Variants in COL5A2 observed in about 807,000 individuals in gnomAD.
COL5A2 encodes collagen alpha-2(V) chain.
In COL5A2, 23 loss-of-function variants were observed where a neutral mutation model predicts 208.2. The ratio of observed to expected loss-of-function variants is 0.11; its 90% CI spans 0.08 to 0.16. The LOEUF is 0.16. Among genes scored for constraint, COL5A2 ranks in the 10% least tolerant of loss-of-function variants. The pLI is 1.00. For missense variants in COL5A2, 1,590 were observed against 1,956.4 expected (o/e 0.81, Z 3.53); for synonymous variants, 625 against 628.5 (o/e 0.99, Z 0.08).
chr2:189,270,206 T>G, the COL5A2 span, among the ~76,000 whole-genome samples: 1 of 152,200 alleles, frequency 6.6e-6, no homozygotes, highest in African/African-American at 2.4e-5. Context: ...ATTGATTTTT[T>G]TGAAGCGTTT....
intron 1 of COL5A2, among the ~76,000 whole-genome samples, chr2:189,123,855 G>C (rs1687557182): frequency 6.6e-6 from 1 of 152,102 alleles, no homozygotes; most frequent in Non-Finnish European, 1.5e-5. Context: ...CAAAGCTAGT[G>C]AGTGGCAGAG....
chr2:189,354,757 G>T, the COL5A2 span, among the ~76,000 whole-genome samples: 1 of 152,016 alleles, frequency 6.6e-6, no homozygotes, highest in Non-Finnish European at 1.5e-5. Context: ...TTTTTTGAAG[G>T]ATTTTTTGTG....
chr2:189,231,301 A>T, the COL5A2 span, among the ~76,000 whole-genome samples: 2 of 151,812 alleles, frequency 1.3e-5, no homozygotes, highest in Non-Finnish European at 2.9e-5. Context: ...TTAAGAGGGC[A>T]GATCTCAAGT....
chr2:189,126,453 A>G (rs553041078), intron 1 of COL5A2, among the ~76,000 whole-genome samples: 1 of 152,170 alleles, frequency 6.6e-6, no homozygotes, highest in Admixed American at 6.5e-5. Flanking sequence ...TTCTTTTCAT[A>G]GTGCTAAACA....
the COL5A2 span, among the ~76,000 whole-genome samples, chr2:189,427,505 G>A: frequency 6.6e-6 from 1 of 152,160 alleles, no homozygotes; most frequent in Non-Finnish European, 1.5e-5. Context: ...ACTGCCTAGT[G>A]GAGCTATGAG....
intron 1 of COL5A2, among the ~76,000 whole-genome samples, chr2:189,218,716 A>G (rs987506189): frequency 1.3e-5 from 2 of 152,168 alleles, no homozygotes; most frequent in Non-Finnish European, 2.9e-5. Flanking sequence ...TGTGTGGAAA[A>G]TTCTTCCAGT....
At chr2:189,255,947 A>C in the COL5A2 span, among the ~76,000 whole-genome samples, 9 of 152,194 alleles carry the variant, frequency 5.9e-5, no homozygotes, top group Admixed American at 5.9e-4. Flanking sequence ...ATCATAGCTT[A>C]AAAGTACAAA....
chr2:189,083,690 T>A (rs1196661723), intron 12 of COL5A2, among the ~76,000 whole-genome samples: 2 of 152,014 alleles, frequency 1.3e-5, no homozygotes, highest in African/African-American at 4.8e-5. Context: ...AAAAAAACTA[T>A]TTTTTTCTGA....
intron 1 of COL5A2, among the ~76,000 whole-genome samples, chr2:189,173,433 AACCTTAAGGTTGCCAATATGGTCAC>A (rs1472598526): frequency 1.3e-5 from 2 of 152,242 alleles, no homozygotes; most frequent in African/African-American, 4.8e-5. Flanking sequence ...ATGAAATAAA[AACCTTAAGGTTGCCAATATGGTCAC>A]ACCTTTAAAG....
intron 24 of COL5A2, 103 bp from the exon 25 acceptor site, chr2:189,064,758 T>C: frequency 1.1e-6 from 1 of 929,420 alleles, no homozygotes; most frequent in Admixed American, 1.9e-5. Flanking sequence ...TAATATAACA[T>C]ACAAATCAAG....
At chr2:189,413,948 C>G in the COL5A2 span, among the ~76,000 whole-genome samples, 1 of 151,826 alleles carries the variant, frequency 6.6e-6, no homozygotes, top group African/African-American at 2.4e-5. Context: ...CCCGCCACTG[C>G]GCCCGGCTAA....
At chr2:189,110,554 T>C in intron 1 of COL5A2, 105 bp from the exon 2 acceptor site, 1 of 988,938 alleles carries the variant, frequency 1.0e-6, no homozygotes, top group Non-Finnish European at 1.6e-6. Context: ...GACTAAGAAG[T>C]AACCTTCCAA....
chr2:189,032,047 G>A lies in COL5A2; in HGVS notation c.*2023C>T, dbSNP rs957467921. On this transcript the variant is annotated 3_prime_UTR_variant, in exon 54 of 54. Coordinates refer to ENST00000374866, the MANE Select transcript of COL5A2 (RefSeq NM_000393.5). ...TGAACTTATATAATCTTATAGTTTG[G>A]ACTTGGAAGTCAAACAAAACTCACA... The A allele has an allele frequency of 1.3e-5, 2 of 151,944 alleles. No individual in the cohort carries two copies. The highest frequency in any genetic ancestry group is 2.9e-5 in the Non-Finnish European group (2 of 67,964). 9.4% of individuals were successfully genotyped at this position (151,944 alleles called of 1,614,324 possible). A position where few individuals can be genotyped will look rare whatever the true frequency, so the allele number is the denominator to read the frequency against.
intron 52 of COL5A2, 80 bp downstream of exon 52, chr2:189,036,535 GC>G: frequency 8.5e-7 from 1 of 1,181,378 alleles, no homozygotes; most frequent in Non-Finnish European, 1.2e-6. Context: ...TAAAAAAATA[GC>G]AAAGTCCTAA....
intron 21 of COL5A2, 100 bp from the exon 22 acceptor site, chr2:189,066,882 C>T (rs2105600664): frequency 6.4e-6 from 6 of 935,364 alleles, no homozygotes; most frequent in Non-Finnish European, 1.1e-5. Flanking sequence ...TTCTCTCCAG[C>T]TGAGTCGGTT....
chr2:189,197,451 A>G (rs1192963585), intron 1 of COL5A2, among the ~76,000 whole-genome samples: 2 of 152,150 alleles, frequency 1.3e-5, no homozygotes, highest in Non-Finnish European at 2.9e-5. Context: ...AAGGTAAAAT[A>G]AAAAATTAAT....
At chr2:189,305,814 T>TAA in the COL5A2 span, among the ~76,000 whole-genome samples, 8 of 139,566 alleles carry the variant, frequency 5.7e-5, no homozygotes, top group Admixed American at 2.1e-4. Flanking sequence ...ATATTCAATC[T>TAA]AAAAAAAAAA....
chr2:189,393,423 TG>T, the COL5A2 span, among the ~76,000 whole-genome samples: 1 of 152,192 alleles, frequency 6.6e-6, no homozygotes, highest in Non-Finnish European at 1.5e-5. Context: ...TTTTTTAATA[TG>T]TTTTTCAGCT....
intron 26 of COL5A2, among the ~76,000 whole-genome samples, chr2:189,063,534 T>C (rs970769442): frequency 5.9e-5 from 9 of 152,232 alleles, no homozygotes; most frequent in Non-Finnish European, 1.0e-4. Flanking sequence ...GGGAAATCTT[T>C]CTTCTTTCAT....
Sources: allele counts gnomAD v4.1 joint callset (sites outside exome capture counted in the v4.1 genomes callset), GRCh38; gene constraint gnomAD v4.1.1; transcripts MANE v1.5; gene names NCBI Gene and HGNC (gene_info 2026-07-23, HGNC 2026-07-21).